LSM6: variants seen among roughly 807,000 people sequenced by gnomAD.
The protein encoded by LSM6 is U6 snRNA-associated Sm-like protein LSm6.
Under a neutral mutation model 13.5 loss-of-function variants are expected in LSM6, and 2 were observed. That is an observed-to-expected ratio of 0.15 (90% CI 0.06 to 0.47). The LOEUF is 0.47. LSM6 is among the 20% of genes least tolerant of loss of function. The pLI, the probability that LSM6 is intolerant of heterozygous loss-of-function variation, is 0.97. For synonymous variants in LSM6, 43 were observed against 34.9 expected, an observed-to-expected ratio of 1.23 and a Z score of -0.82; for missense variants, 58 against 96.4, an observed-to-expected ratio of 0.60 and a Z score of 1.67.
intron 1 of LSM6, among the ~76,000 whole-genome samples, chr4:146,182,551 C>T (rs750068213): frequency 2.2e-4 from 34 of 152,160 alleles, no homozygotes; most frequent in Non-Finnish European, 4.9e-4. Flanking sequence ...AATAACCAAC[C>T]ACTCACTGAA....
At chr4:146,188,414 T>TG (rs1323528673) in intron 3 of LSM6, among the ~76,000 whole-genome samples, 1 of 150,094 alleles carries the variant, frequency 6.7e-6, no homozygotes, top group Admixed American at 6.6e-5. Context: ...GGGGCAGGGT[T>TG]GGGGGGCGGC....
rs563828553 is a variant in LSM6, at chr4:146,178,268, C to T, written c.-11+2457C>T. ...CCCTGTCCCCAAGAAGCTTTAAATT[C>T]GCACGGGAGACCAGTCAGCAAATGG... On this transcript the variant is annotated intron_variant, in intron 1 of 3. Transcript: ENST00000296581. Among the ~76,000 whole-genome samples the T allele has an allele frequency of 3.3e-5, 5 of 152,280 alleles. No homozygotes were observed. The South Asian group carries it at 1.0e-3, about 32-fold the overall frequency.
At chr4:146,186,983 AC>A (rs938650741) in intron 2 of LSM6, among the ~76,000 whole-genome samples, 2 of 152,174 alleles carry the variant, frequency 1.3e-5, no homozygotes, top group African/African-American at 4.8e-5. Context: ...TTATTCTCTT[AC>A]TTTTTTGAAT....
At chr4:146,179,781 T>C (rs1048704952) in intron 1 of LSM6, among the ~76,000 whole-genome samples, 11 of 152,318 alleles carry the variant, frequency 7.2e-5, no homozygotes, top group African/African-American at 2.4e-4. Context: ...CTATGGAAAG[T>C]AGAGAGTGGA....
chr4:146,179,969 A>G (rs977570960), intron 1 of LSM6, among the ~76,000 whole-genome samples: 6 of 152,086 alleles, frequency 3.9e-5, no homozygotes, highest in African/African-American at 1.4e-4. Flanking sequence ...CAGAGCCTCA[A>G]CTCTGTGCTC....
At chr4:146,186,896 C>G (rs1170139854) in intron 2 of LSM6, among the ~76,000 whole-genome samples, 2 of 152,174 alleles carry the variant, frequency 1.3e-5, no homozygotes, top group Non-Finnish European at 2.9e-5. Flanking sequence ...GCCACTGGAA[C>G]CAAGGATCAT....
chr4:146,177,887 A>T (rs1291423533), intron 1 of LSM6, among the ~76,000 whole-genome samples: 3 of 152,216 alleles, frequency 2.0e-5, no homozygotes, highest in Non-Finnish European at 4.4e-5. Flanking sequence ...CTGCCCCTAG[A>T]TGAGAACCAT....
At chr4:146,179,399 T>G (rs1444357137) in intron 1 of LSM6, among the ~76,000 whole-genome samples, 1 of 152,308 alleles carries the variant, frequency 6.6e-6, no homozygotes, top group Non-Finnish European at 1.5e-5. Context: ...CAAGACCAAT[T>G]TACTCATACA....
At chr4:146,186,312 T>G (rs1730347851) in intron 2 of LSM6, among the ~76,000 whole-genome samples, 1 of 152,134 alleles carries the variant, frequency 6.6e-6, no homozygotes. Context: ...ACTTTTTTGT[T>G]TAGAGGATAA....
intron 1 of LSM6, among the ~76,000 whole-genome samples, chr4:146,180,156 C>G (rs1344308650): frequency 6.6e-6 from 1 of 152,226 alleles, no homozygotes; most frequent in African/African-American, 2.4e-5. Context: ...ATTCTTTGAT[C>G]TGCCAAGCCT....
At chr4:146,189,099 C>G (rs183073681) in intron 3 of LSM6, among the ~76,000 whole-genome samples, 2 of 151,910 alleles carry the variant, frequency 1.3e-5, no homozygotes, top group East Asian at 3.9e-4. Context: ...AAGCAGTCCT[C>G]CCACCTCAGC....
intron 3 of LSM6, among the ~76,000 whole-genome samples, chr4:146,188,693 C>T (rs759839858): frequency 6.6e-6 from 1 of 152,102 alleles, no homozygotes; most frequent in African/African-American, 2.4e-5. Flanking sequence ...TTCATTCCTA[C>T]GGACCACACA....
intron 1 of LSM6, among the ~76,000 whole-genome samples, chr4:146,179,157 A>C (rs947057678): frequency 6.6e-6 from 1 of 152,194 alleles, no homozygotes; most frequent in African/African-American, 2.4e-5. Context: ...AAGCCTGAGT[A>C]GGAGTCAGGG....
At chr4:146,186,323 TG>T (rs1308504547) in intron 2 of LSM6, among the ~76,000 whole-genome samples, 1 of 152,136 alleles carries the variant, frequency 6.6e-6, no homozygotes, top group African/African-American at 2.4e-5. Context: ...TAGAGGATAA[TG>T]GGGGCAGAGG....
Position 146,187,187 on chromosome 4 carries a change from A to C in LSM6, c.95-87A>C, listed in dbSNP as rs183759546. ...TTAAGCATCTAAGAACTAATGAATAAAGAGATTGTCTGCTCTAAGGTATAC... is the reference window on the plus strand; with the variant it reads ...TTAAGCATCTAAGAACTAATGAATACAGAGATTGTCTGCTCTAAGGTATAC... On this transcript the variant is annotated intron_variant, in intron 2 of 3. Coordinates refer to ENST00000296581, the MANE Select transcript of LSM6 (RefSeq NM_007080.3). The C allele has an allele frequency of 1.8e-4, 119 of 662,756 alleles. No individual in the cohort carries two copies. In the African/African-American group the frequency reaches 1.9e-3, roughly 11 times the overall value. The allele number at this position is 662,756 out of a possible 1,614,324, so 41.1% of individuals were successfully genotyped here. A position where few individuals can be genotyped will look rare whatever the true frequency, so the allele number is the denominator to read the frequency against.
rs562100433 is a variant in LSM6 at position 146,183,329 on chromosome 4, C to T, written c.94+314C>T. ...GTGAACTCAGGTATGAACAACACAA[C>T]TGAAGAACATCTTGGTGCAGCAGCA... On this transcript the variant is annotated intron_variant, in intron 2 of 3. Transcript: ENST00000296581. The T allele has an allele frequency of 1.2e-5, 3 of 256,704 alleles. No individual in the cohort carries two copies. In the South Asian group the frequency reaches 1.5e-4, roughly 13 times the overall value. The allele number at this position is 256,704 out of a possible 1,614,324, so 15.9% of individuals were successfully genotyped here.
chr4:146,188,093 A>G (rs1486878695), intron 3 of LSM6, among the ~76,000 whole-genome samples: 1 of 152,140 alleles, frequency 6.6e-6, no homozygotes, highest in Non-Finnish European at 1.5e-5. Context: ...AACCCCCTAA[A>G]TAGTTGGATC....
chr4:146,189,272 C>T (rs1406834223), intron 3 of LSM6, among the ~76,000 whole-genome samples: 2 of 152,124 alleles, frequency 1.3e-5, no homozygotes, highest in South Asian at 2.1e-4. Flanking sequence ...AGATTGCAGG[C>T]GTGAGCCACC....
rs577947915 is a variant in LSM6 at position 146,188,283 on chromosome 4, A to C, written c.208+896A>C. ...CCTTATTTGACCTCCTCTTTTTCCT[A>C]AGAAATGTTATGATCTTGTCTCACC... On this transcript the variant is annotated intron_variant, in intron 3 of 3. Transcript: ENST00000296581. 2.6e-5 allele frequency among the ~76,000 whole-genome samples: 4 copies of C among 152,080 alleles called. No individual in the cohort carries two copies. The East Asian group carries it at 7.7e-4, about 29-fold the overall frequency.
Sources: allele counts gnomAD v4.1 joint callset (sites outside exome capture counted in the v4.1 genomes callset), GRCh38; gene constraint gnomAD v4.1.1; transcripts MANE v1.5; gene names NCBI Gene and HGNC (gene_info 2026-07-23, HGNC 2026-07-21).